AGTPBP1: variants seen among roughly 807,000 people sequenced by gnomAD.
AGTPBP1 encodes the protein cytosolic carboxypeptidase 1.
Under a neutral mutation model 143.9 loss-of-function variants are expected in AGTPBP1, and 70 were observed. The ratio of observed to expected loss-of-function variants is 0.49; its 90% CI spans 0.40 to 0.59. The LOEUF is 0.59. Among genes scored for constraint, AGTPBP1 ranks in the 20% least tolerant of loss-of-function variants. The pLI is 0.00. For synonymous variants in AGTPBP1, 463 were observed against 500.2 expected, an observed-to-expected ratio of 0.93 and a Z score of 0.99; for missense variants, 1,229 against 1,464.5, an observed-to-expected ratio of 0.84 and a Z score of 2.62.
chr9:85,671,309 A>G (rs576040773), intron 7 of AGTPBP1, among the ~76,000 whole-genome samples: 1 of 152,140 alleles, frequency 6.6e-6, no homozygotes, highest in East Asian at 1.9e-4. Flanking sequence ...TTTCTAATGC[A>G]TATTTTTCCT....
In AGTPBP1 at chr9:85,588,626, C is replaced by A. The variant is rs533508097; in HGVS notation, c.2723-148G>T. ...AATGGTGCATCCTACAAGCACTGCA[C>A]TAGGCCCTATAAAATAAACAAATAT... On this transcript the variant is annotated intron_variant, in intron 20 of 25. Transcript: ENST00000357081. 13 of 713,816 alleles carry A rather than the reference C, an allele frequency of 1.8e-5. No homozygotes were observed. The South Asian group carries it at 2.6e-4, about 14-fold the overall frequency. The allele number at this position is 713,816 out of a possible 1,614,324, so 44.2% of individuals were successfully genotyped here.
At chr9:85,615,511 G>A (rs1830555801) in intron 17 of AGTPBP1, among the ~76,000 whole-genome samples, 1 of 151,954 alleles carries the variant, frequency 6.6e-6, no homozygotes, top group African/African-American at 2.4e-5. Context: ...TATTTAATGG[G>A]CATGGGGAAA....
At chr9:85,713,668 G>A (rs1837523435) in intron 1 of AGTPBP1, among the ~76,000 whole-genome samples, 1 of 152,184 alleles carries the variant, frequency 6.6e-6, no homozygotes. Context: ...ACATTTGGAA[G>A]ATACTCTGAT....
intron 23 of AGTPBP1, among the ~76,000 whole-genome samples, chr9:85,580,357 G>C (rs968613749): frequency 4.0e-5 from 6 of 150,380 alleles, no homozygotes; most frequent in Admixed American, 6.6e-5. Flanking sequence ...ATTGTTTTTT[G>C]GAGTTTTGAG....
intron 24 of AGTPBP1, among the ~76,000 whole-genome samples, chr9:85,576,602 C>T (rs555111754): frequency 1.3e-5 from 2 of 152,094 alleles, no homozygotes; most frequent in Non-Finnish European, 2.9e-5. Context: ...ATAAAGAATA[C>T]TGACAGCCTA....
intron 25 of AGTPBP1, among the ~76,000 whole-genome samples, chr9:85,568,829 T>C (rs753237510): frequency 6.6e-6 from 1 of 152,148 alleles, no homozygotes; most frequent in Non-Finnish European, 1.5e-5. Context: ...GACATGAGCA[T>C]CTGGGTGGAC....
chr9:85,663,295 C>T (rs1274532119), intron 8 of AGTPBP1, among the ~76,000 whole-genome samples: 1 of 152,142 alleles, frequency 6.6e-6, no homozygotes, highest in Non-Finnish European at 1.5e-5. Context: ...AGTATTCACA[C>T]AGGGCTGAGA....
the AGTPBP1 span, among the ~76,000 whole-genome samples, chr9:85,750,581 T>C: frequency 1.2e-4 from 18 of 152,216 alleles, no homozygotes; most frequent in Admixed American, 4.6e-4. Context: ...TCTCTTAGCC[T>C]CCTCTTCCCT....
chr9:85,619,357 G>A, intron 15 of AGTPBP1, 56 bp from the exon 16 acceptor site: 2 of 1,211,124 alleles, frequency 1.7e-6, no homozygotes, highest in Non-Finnish European at 1.2e-6. Context: ...AAACAGATGA[G>A]CAAAAAGTAA....
chr9:85,715,719 A>G (rs972007774), intron 1 of AGTPBP1, among the ~76,000 whole-genome samples: 1 of 152,222 alleles, frequency 6.6e-6, no homozygotes, highest in Non-Finnish European at 1.5e-5. Context: ...AAGCCAGAAC[A>G]TAATGAAAAA....
intron 25 of AGTPBP1, among the ~76,000 whole-genome samples, chr9:85,550,910 C>G (rs1048948280): frequency 6.6e-6 from 1 of 152,116 alleles, no homozygotes; most frequent in African/African-American, 2.4e-5. Context: ...GTGGCCACTC[C>G]AAATCTCATG....
chr9:85,756,127 C>G, the AGTPBP1 span: 5 of 1,608,960 alleles, frequency 3.1e-6, no homozygotes, highest in Admixed American at 8.4e-5. Flanking sequence ...AAGTTCTGAA[C>G]CAATGCCAAG....
the AGTPBP1 span, among the ~76,000 whole-genome samples, chr9:85,770,061 TTGTG>T: frequency 0.036 from 5,333 of 148,350 alleles, 302 homozygotes; most frequent in African/African-American, 0.12. Context: ...TGTTAATCTG[TTGTG>T]TGTGTGTGTG....
At chr9:85,556,171 T>A (rs11141020) in intron 25 of AGTPBP1, among the ~76,000 whole-genome samples, 1 of 151,994 alleles carries the variant, frequency 6.6e-6, no homozygotes, top group Non-Finnish European at 1.5e-5. Flanking sequence ...TAATAAAATA[T>A]ATGGAGTTCA....
At chr9:85,803,766 G>A in the AGTPBP1 span, among the ~76,000 whole-genome samples, 63 of 152,150 alleles carry the variant, frequency 4.1e-4, no homozygotes, top group Admixed American at 1.1e-3. Flanking sequence ...GTCCATGTCC[G>A]TCTGGCTGTC....
At chr9:85,656,436 T>C (rs1355463454) in intron 10 of AGTPBP1, among the ~76,000 whole-genome samples, 2 of 152,172 alleles carry the variant, frequency 1.3e-5, no homozygotes, top group Non-Finnish European at 2.9e-5. Flanking sequence ...ATGATTGATC[T>C]AGAAAAGAAA....
chr9:85,722,484 C>T (rs561493505), intron 1 of AGTPBP1, among the ~76,000 whole-genome samples: 8 of 152,302 alleles, frequency 5.3e-5, no homozygotes, highest in East Asian at 1.9e-4. Flanking sequence ...CTTGTGCATG[C>T]GTCACGAGGT....
At chr9:85,745,010 G>T (rs149376798), upstream of AGTPBP1, among the ~76,000 whole-genome samples, 37 of 152,292 alleles carry the variant, frequency 2.4e-4, no homozygotes, top group East Asian at 6.9e-3. Flanking sequence ...ATCAGAGTTG[G>T]ACTATATAAT....
chr9:85,746,207 G>A (rs953328415), upstream of AGTPBP1, among the ~76,000 whole-genome samples: 3 of 152,028 alleles, frequency 2.0e-5, no homozygotes, highest in South Asian at 2.1e-4. Context: ...CCAACCTGCT[G>A]CCTATAAAAT....
Sources: allele counts gnomAD v4.1 joint callset (sites outside exome capture counted in the v4.1 genomes callset), GRCh38; gene constraint gnomAD v4.1.1; transcripts MANE v1.5; gene names NCBI Gene and HGNC (gene_info 2026-07-23, HGNC 2026-07-21).